The following COG5 variants were observed in gnomAD, a reference collection of about 807,000 sequenced individuals.
COG5 encodes conserved oligomeric Golgi complex subunit 5.
Under a neutral mutation model 110.4 loss-of-function variants are expected in COG5, and 86 were observed. That is an observed-to-expected ratio of 0.78 (90% CI 0.65 to 0.93). The LOEUF (loss-of-function observed/expected upper bound fraction) is 0.93, where lower values mean the gene tolerates loss of function less well. Ranked by LOEUF, COG5 falls within the 40% of genes least tolerant of loss-of-function variation. The pLI is 0.00. For missense variants in COG5, 1,077 were observed against 987.0 expected (o/e 1.09, Z -1.22); for synonymous variants, 360 against 334.6 (o/e 1.08, Z -0.83).
rs377365955 is a variant in COG5 at position 107,435,509 on chromosome 7, T to C, written c.539-22877A>G. 6.6e-5 allele frequency among the ~76,000 whole-genome samples: 10 copies of C among 152,050 alleles called. No individual in the cohort carries two copies. The South Asian group carries it at 1.9e-3, about 28-fold the overall frequency. ...TTCTACTAAAAATACAAAAATTAGCTGGGTGTGGTGGCAGGCACCTGCAAT... is the reference window on the plus strand; with the variant it reads ...TTCTACTAAAAATACAAAAATTAGCCGGGTGTGGTGGCAGGCACCTGCAAT... On this transcript the variant is annotated intron_variant, in intron 6 of 21. Coordinates refer to ENST00000297135, the MANE Select transcript of COG5 (RefSeq NM_006348.5).
chr7:107,399,511 T>C (rs1317800957), intron 7 of COG5, among the ~76,000 whole-genome samples: 1 of 152,118 alleles, frequency 6.6e-6, no homozygotes, highest in African/African-American at 2.4e-5. Flanking sequence ...CCACACACAC[T>C]CCTCTCTCTT....
chr7:107,442,198 G>A (rs1794743761), intron 6 of COG5, among the ~76,000 whole-genome samples: 1 of 152,166 alleles, frequency 6.6e-6, no homozygotes. Context: ...CTGTTTAAAA[G>A]TGTGCAGCAC....
At chr7:107,409,179 A>T (rs1170095694) in intron 7 of COG5, among the ~76,000 whole-genome samples, 2 of 151,014 alleles carry the variant, frequency 1.3e-5, no homozygotes, top group African/African-American at 4.9e-5. Context: ...AAGATTAAGG[A>T]AGTAAGCAGA....
rs777907621 is a variant in COG5, at chr7:107,236,614, T to C, written c.1927A>G (p.Arg643Gly). Residue 643 changes from arginine (R) to glycine (G), a missense_variant, in exon 18 of 22, where the codon AGA becomes GGA. By Grantham distance (125) the Arg-to-Gly change is moderately radical. Transcript: ENST00000297135. Reference protein sequence around the residue: ...YMKELQGFIARVMSDYFKHFE... With the variant: ...YMKELQGFIAGVMSDYFKHFE... ...TGTTTAAAATAGTCACTCATAACTC[T>C]GGCAATGAAACCTTGTAGCTCCTTC... is the stretch of plus-strand genomic sequence containing the variant. 3 of 1,614,142 alleles carry C rather than the reference T, an allele frequency of 1.9e-6. No individual in the cohort carries two copies. In the South Asian group the frequency reaches 3.3e-5, roughly 18 times the overall value.
intron 14 of COG5, among the ~76,000 whole-genome samples, chr7:107,270,686 T>C (rs1053271529): frequency 1.4e-4 from 21 of 152,068 alleles, no homozygotes; most frequent in African/African-American, 4.3e-4. Context: ...CCAAAATATA[T>C]ACTACATTTA....
intron 6 of COG5, among the ~76,000 whole-genome samples, chr7:107,421,433 A>G (rs956620136): frequency 2.0e-5 from 3 of 152,226 alleles, no homozygotes; most frequent in African/African-American, 2.4e-5. Flanking sequence ...ACATTATCCA[A>G]TATAGACCAT....
chr7:107,321,614 C>G (rs1217546507), intron 11 of COG5, among the ~76,000 whole-genome samples: 1 of 152,126 alleles, frequency 6.6e-6, no homozygotes, highest in Non-Finnish European at 1.5e-5. Flanking sequence ...CAGAAATAGT[C>G]TTACTTATAG....
intron 3 of COG5, among the ~76,000 whole-genome samples, chr7:107,553,347 T>C (rs150082615): frequency 4.8e-3 from 733 of 152,334 alleles, no homozygotes; most frequent in Non-Finnish European, 8.1e-3. Flanking sequence ...TATCCCAGAT[T>C]TCAAATAACA....
chr7:107,328,872 G>C (rs983910582), intron 10 of COG5, among the ~76,000 whole-genome samples: 1 of 152,052 alleles, frequency 6.6e-6, no homozygotes, highest in Non-Finnish European at 1.5e-5. Context: ...CCAGGCTGGA[G>C]TGCAGTGGTG....
chr7:107,320,996 T>C (rs1336772037), intron 11 of COG5, among the ~76,000 whole-genome samples: 4 of 152,168 alleles, frequency 2.6e-5, no homozygotes, highest in African/African-American at 9.6e-5. Context: ...TTATCCAATT[T>C]AGACATCAGG....
At chr7:107,331,840 C>CTTT (rs750263117) in intron 10 of COG5, among the ~76,000 whole-genome samples, 4 of 131,832 alleles carry the variant, frequency 3.0e-5, no homozygotes, top group Non-Finnish European at 4.8e-5. Flanking sequence ...CTGCTTGCCT[C>CTTT]TTTTTTTTTT....
intron 6 of COG5, among the ~76,000 whole-genome samples, chr7:107,446,524 T>C (rs12667527): frequency 0.27 from 40,440 of 152,094 alleles, 5,502 homozygotes; most frequent in East Asian, 0.33. Flanking sequence ...GGTTGGTCCA[T>C]GTGAACAACA....
chr7:107,420,787 C>G (rs1793231671), intron 6 of COG5, among the ~76,000 whole-genome samples: 1 of 152,136 alleles, frequency 6.6e-6, no homozygotes, highest in South Asian at 2.1e-4. Flanking sequence ...CTGACTAGTT[C>G]TTAATTGATA....
chr7:107,320,610 A>G (rs985923600), intron 11 of COG5, among the ~76,000 whole-genome samples: 1 of 152,212 alleles, frequency 6.6e-6, no homozygotes, highest in African/African-American at 2.4e-5. Flanking sequence ...TGGTTGTCCA[A>G]GTCTAAAACT....
intron 11 of COG5, among the ~76,000 whole-genome samples, chr7:107,319,681 G>A (rs1192467874): frequency 6.6e-6 from 1 of 152,198 alleles, no homozygotes; most frequent in African/African-American, 2.4e-5. Flanking sequence ...GGAAGTAAAA[G>A]TCCATTAAAT....
chr7:107,301,270 A>G (rs930426073), intron 11 of COG5, among the ~76,000 whole-genome samples: 4 of 152,198 alleles, frequency 2.6e-5, no homozygotes, highest in South Asian at 2.1e-4. Flanking sequence ...CAACATCTAA[A>G]TTAAAAGTGT....
chr7:107,273,235 C>T (rs966816908), intron 14 of COG5, among the ~76,000 whole-genome samples: 5 of 152,120 alleles, frequency 3.3e-5, no homozygotes, highest in African/African-American at 1.2e-4. Flanking sequence ...TAGGTTGATA[C>T]CTATAGTGGC....
At chr7:107,208,405 T>C (rs1798923063) in intron 21 of COG5, 1 of 985,334 alleles carries the variant, frequency 1.0e-6, no homozygotes, top group Admixed American at 6.1e-5. Context: ...GCAGGACAAC[T>C]GTTTTGGATG....
intron 6 of COG5, among the ~76,000 whole-genome samples, chr7:107,515,899 T>C (rs970163009): frequency 6.6e-6 from 1 of 152,224 alleles, no homozygotes; most frequent in Non-Finnish European, 1.5e-5. Context: ...TCCTGGATTA[T>C]GACAAATTTA....
Sources: allele counts gnomAD v4.1 joint callset (sites outside exome capture counted in the v4.1 genomes callset), GRCh38; gene constraint gnomAD v4.1.1; transcripts MANE v1.5; gene names NCBI Gene and HGNC (gene_info 2026-07-23, HGNC 2026-07-21).